CRYBB1: variants seen among roughly 807,000 people sequenced by gnomAD.
The protein encoded by CRYBB1 is beta-crystallin B1.
A neutral mutation model predicts 29.5 loss-of-function variants in CRYBB1; 16 were observed. The observed-to-expected ratio is 0.54, with a 90% CI of 0.37 to 0.82. CRYBB1 has a LOEUF of 0.82. Among genes scored for constraint, CRYBB1 ranks in the 40% least tolerant of loss-of-function variants. The pLI is 0.00. For synonymous variants in CRYBB1, 127 were observed against 136.7 expected, an observed-to-expected ratio of 0.93 and a Z score of 0.49; for missense variants, 300 against 350.5, an observed-to-expected ratio of 0.86 and a Z score of 1.15.
At chr22:26,608,786 A>G (rs1172653376) in intron 3 of CRYBB1, among the ~76,000 whole-genome samples, 1 of 152,172 alleles carries the variant, frequency 6.6e-6, no homozygotes, top group African/African-American at 2.4e-5. Flanking sequence ...GGTATTCGGG[A>G]GATACTCAGT....
At chr22:26,607,163 C>T (rs1406497691) in intron 4 of CRYBB1, among the ~76,000 whole-genome samples, 1 of 151,760 alleles carries the variant, frequency 6.6e-6, no homozygotes, top group African/African-American at 2.4e-5. Flanking sequence ...GCTGGGATTA[C>T]AGGCATGCGC....
intron 2 of CRYBB1, among the ~76,000 whole-genome samples, chr22:26,615,251 G>C (rs908161858): frequency 5.3e-5 from 8 of 152,176 alleles, no homozygotes; most frequent in Admixed American, 2.6e-4. Context: ...TGCTCCACAG[G>C]ATGCCTTTCA....
intron 3 of CRYBB1, among the ~76,000 whole-genome samples, chr22:26,609,602 C>A (rs1398148447): frequency 6.6e-6 from 1 of 151,820 alleles, no homozygotes; most frequent in East Asian, 1.9e-4. Flanking sequence ...ATGGTGGGTA[C>A]GTGTGTATAA....
At chr22:26,616,031 G>T (rs1391916919) in intron 2 of CRYBB1, 109 bp downstream of exon 2, 4 of 861,114 alleles carry the variant, frequency 4.6e-6, no homozygotes, top group Admixed American at 1.8e-5. Flanking sequence ...GGAGAAAGAG[G>T]TGCGGAGGAG....
In CRYBB1 at chr22:26,612,100, C is replaced by T; in HGVS notation, c.271G>A (p.Val91Met). 6.2e-7 allele frequency: 1 copy of T among 1,613,774 alleles called. No individual in the cohort carries two copies. The highest frequency in any genetic ancestry group is 8.5e-7 in the Non-Finnish European group (1 of 1,179,916). The change falls in exon 3 of 6, where the codon GTG becomes ATG. Residue 91 changes from valine (V) to methionine (M), a missense_variant. Transcript: ENST00000647684. ...CCCGCGGAGACAATGATGCTGCGCACACGGTCGAAGCCACGGTCTGCCAGA... is the reference window on the plus strand; with the variant it reads ...CCCGCGGAGACAATGATGCTGCGCATACGGTCGAAGCCACGGTCTGCCAGA... ...SNLADRGFDRVRSIIVSAGPW... is the reference protein window; with the variant it reads ...SNLADRGFDRMRSIIVSAGPW...
Position 26,608,041 on chromosome 22 carries a change from T to TG in CRYBB1, c.300-21dup. On this transcript the variant is annotated intron_variant, in intron 3 of 5. Transcript: ENST00000647684. The stretch of plus-strand genomic sequence containing the variant: ...ACCCAGCTGGATACAAGAAGGACCA[T>TG]GAGGCAGACAGGAGACATATGGTTA... The TG allele has an allele frequency of 1.2e-6, 2 of 1,614,080 alleles. No individual in the cohort carries two copies. Among genetic ancestry groups the TG allele is most frequent in the Non-Finnish European group, 1.7e-6 (2 of 1,180,030 alleles).
chr22:26,608,119 C>T, intron 3 of CRYBB1, 98 bp from the exon 4 acceptor site: 3 of 1,587,326 alleles, frequency 1.9e-6, no homozygotes, highest in Non-Finnish European at 2.6e-6. Context: ...CAAGGCAGCC[C>T]TGAGGACAGT....
At chr22:26,609,301 T>C (rs1569205993) in intron 3 of CRYBB1, among the ~76,000 whole-genome samples, 1 of 152,170 alleles carries the variant, frequency 6.6e-6, no homozygotes, top group Non-Finnish European at 1.5e-5. Flanking sequence ...AAAGATATGT[T>C]TGTCTTCCCA....
At chr22:26,612,540 A>G (rs1929210825) in intron 2 of CRYBB1, among the ~76,000 whole-genome samples, 1 of 152,120 alleles carries the variant, frequency 6.6e-6, no homozygotes, top group Non-Finnish European at 1.5e-5. Context: ...TTTTGTAGAG[A>G]CAGGATTTTG....
At chr22:26,603,254 G>T (rs1165732442) in intron 4 of CRYBB1, among the ~76,000 whole-genome samples, 1 of 152,044 alleles carries the variant, frequency 6.6e-6, no homozygotes, top group Non-Finnish European at 1.5e-5. Context: ...TTATTGCCAG[G>T]CATGGTGGCT....
At chr22:26,613,303 G>C (rs1929238453) in intron 2 of CRYBB1, among the ~76,000 whole-genome samples, 1 of 152,210 alleles carries the variant, frequency 6.6e-6, no homozygotes, top group African/African-American at 2.4e-5. Context: ...CCAGCTGTAA[G>C]AGGAGGGGAG....
At chr22:26,600,070 A>G (rs894294811) in intron 5 of CRYBB1, among the ~76,000 whole-genome samples, 1 of 152,202 alleles carries the variant, frequency 6.6e-6, no homozygotes, top group Non-Finnish European at 1.5e-5. Context: ...CTGGTTAACA[A>G]TGAAGCAAAT....
chr22:26,611,499 G>T (rs1206375937), intron 3 of CRYBB1, among the ~76,000 whole-genome samples: 1 of 144,032 alleles, frequency 6.9e-6, no homozygotes, highest in African/African-American at 2.6e-5. Context: ...ACGGAGTCTC[G>T]CTCTGTCGCC....
intron 3 of CRYBB1, among the ~76,000 whole-genome samples, chr22:26,610,354 C>G (rs1305075122): frequency 6.6e-6 from 1 of 152,130 alleles, no homozygotes; most frequent in Non-Finnish European, 1.5e-5. Context: ...CTTTTTTTCC[C>G]ATGGCCCTGC....
At chr22:26,615,018 G>A (rs929767947) in intron 2 of CRYBB1, among the ~76,000 whole-genome samples, 1 of 152,182 alleles carries the variant, frequency 6.6e-6, no homozygotes, top group Non-Finnish European at 1.5e-5. Flanking sequence ...TAGGTAGAAA[G>A]TTTTTAACCA....
intron 4 of CRYBB1, among the ~76,000 whole-genome samples, chr22:26,603,394 A>G (rs5761621): frequency 0.37 from 56,520 of 151,236 alleles, 11,255 homozygotes; most frequent in East Asian, 0.69. Context: ...GCCAGGTGCA[A>G]TCACATGTGC....
intron 4 of CRYBB1, among the ~76,000 whole-genome samples, chr22:26,603,273 TA>T (rs1368496287): frequency 6.6e-6 from 1 of 152,162 alleles, no homozygotes; most frequent in Admixed American, 6.5e-5. Context: ...CTCACATCTG[TA>T]ATCCCAGCAC....
chr22:26,599,917 G>T (rs968451686), intron 5 of CRYBB1, among the ~76,000 whole-genome samples: 3 of 152,216 alleles, frequency 2.0e-5, no homozygotes, highest in Admixed American at 1.3e-4. Context: ...AGAGTGCTGG[G>T]GGGGACCAAA....
chr22:26,610,773 G>A (rs958119265), intron 3 of CRYBB1, among the ~76,000 whole-genome samples: 3 of 152,166 alleles, frequency 2.0e-5, no homozygotes, highest in Non-Finnish European at 4.4e-5. Context: ...ATCCTGTGAG[G>A]AGTGGTGAGG....
Sources: allele counts gnomAD v4.1 joint callset (sites outside exome capture counted in the v4.1 genomes callset), GRCh38; gene constraint gnomAD v4.1.1; transcripts MANE v1.5; gene names NCBI Gene and HGNC (gene_info 2026-07-23, HGNC 2026-07-21).